The following BANP variants were observed in gnomAD, a reference collection of about 807,000 sequenced individuals.
BANP encodes the protein protein BANP.
In BANP, 11 loss-of-function variants were observed where a neutral mutation model predicts 68.1. That is an observed-to-expected ratio of 0.16 (90% CI 0.10 to 0.27). The LOEUF is 0.27. BANP is among the 10% of genes least tolerant of loss of function. The pLI, the probability that BANP is intolerant of heterozygous loss-of-function variation, is 1.00. For missense variants in BANP, 504 were observed against 722.7 expected (o/e 0.70, Z 3.47); for synonymous variants, 329 against 303.2 (o/e 1.09, Z -0.88).
intron 4 of BANP, among the ~76,000 whole-genome samples, chr16:87,989,974 C>T (rs1465470625): frequency 2.0e-5 from 3 of 151,566 alleles, no homozygotes; most frequent in Admixed American, 6.6e-5. Flanking sequence ...CGCGTGGCTG[C>T]GCGCATCCAG....
At chr16:88,055,608 C>T (rs975432693) in intron 11 of BANP, among the ~76,000 whole-genome samples, 1 of 152,126 alleles carries the variant, frequency 6.6e-6, no homozygotes, top group Non-Finnish European at 1.5e-5. Context: ...CAACATTTTA[C>T]GTGTAGGATT....
chr16:87,986,819 C>T (rs1261632205), intron 4 of BANP, among the ~76,000 whole-genome samples: 1 of 152,290 alleles, frequency 6.6e-6, no homozygotes, highest in East Asian at 1.9e-4. Flanking sequence ...GACTCAGATG[C>T]ACAATCCAGT....
intron 2 of BANP, among the ~76,000 whole-genome samples, chr16:87,977,122 C>T (rs1276024535): frequency 6.6e-6 from 1 of 152,114 alleles, no homozygotes; most frequent in Non-Finnish European, 1.5e-5. Flanking sequence ...TTGTTAAAAG[C>T]CTACTGTGTC....
Position 88,076,584 on chromosome 16 carries a change from T to C in BANP, c.1522-6T>C, listed in dbSNP as rs1210046037. ...CTAGAAAGTCCCTCCTTTCTCCCTT[T>C]TGCAGACGGCCGAAGCCCTGCAGCC... On this transcript the variant is annotated splice_polypyrimidine_tract_variant and splice_region_variant and intron_variant, in intron 13 of 13. Coordinates refer to ENST00000682872, the MANE Select transcript of BANP (RefSeq NM_001386991.1). 5 of 1,612,436 alleles carry C rather than the reference T, an allele frequency of 3.1e-6. No individual in the cohort carries two copies. Among genetic ancestry groups the C allele is most frequent in the Non-Finnish European group, 4.2e-6 (5 of 1,179,596 alleles).
chr16:88,018,743 G>A lies in BANP; in HGVS notation c.895+76G>A, dbSNP rs139849395. On this transcript the variant is annotated intron_variant, in intron 7 of 13. Coordinates refer to ENST00000682872, the MANE Select transcript of BANP (RefSeq NM_001386991.1). This position sits in a 1 kb window ranked among gnomAD's most constrained non-coding sequence, Gnocchi z 7.7. ...GGACCCACATTTCAATGCTGAGGACGCTGGCATCAGTAGCACCGGCACGGG... is the reference window on the plus strand; with the variant it reads ...GGACCCACATTTCAATGCTGAGGACACTGGCATCAGTAGCACCGGCACGGG... The A allele has an allele frequency of 6.0e-5, 88 of 1,478,782 alleles. No individual in the cohort carries two copies. The South Asian group carries it at 9.9e-4, about 17-fold the overall frequency. The allele number at this position is 1,478,782 out of a possible 1,614,324, so 91.6% of individuals were successfully genotyped here. A position where few individuals can be genotyped will look rare whatever the true frequency, so the allele number is the denominator to read the frequency against.
Position 88,018,531 on chromosome 16 carries a change from C to T in BANP, c.759C>T (p.Cys253=). 1 of 1,613,598 alleles carries T rather than the reference C, an allele frequency of 6.2e-7. No individual in the cohort carries two copies. Among genetic ancestry groups the T allele is most frequent in the Non-Finnish European group, 8.5e-7 (1 of 1,180,012 alleles). The change falls in exon 7 of 14, where the codon TGC becomes TGT. Residue 253 remains cysteine (C), a synonymous_variant. Coordinates refer to ENST00000682872, the MANE Select transcript of BANP (RefSeq NM_001386991.1). This position sits in a 1 kb window ranked among gnomAD's most constrained non-coding sequence, Gnocchi z 7.7. ...ACATGCTGCACATCAGCACCAACTG[C>T]CGCACGGCCGAGAAGATGGCGCTCA... ...PSDMLHISTN[C]RTAEKMALTL...
intron 6 of BANP, among the ~76,000 whole-genome samples, chr16:88,011,312 C>T (rs2073054980): frequency 6.6e-6 from 1 of 152,152 alleles, no homozygotes; most frequent in East Asian, 1.9e-4. Context: ...GAAAGACGCC[C>T]TTTCCATCCC....
intron 11 of BANP, among the ~76,000 whole-genome samples, chr16:88,050,597 C>T (rs901183434): frequency 6.6e-6 from 1 of 152,220 alleles, no homozygotes; most frequent in Non-Finnish European, 1.5e-5. Flanking sequence ...GAATTAGGAC[C>T]AGGCACGAGT....
At chr16:88,054,950 G>A (rs1350647517) in intron 11 of BANP, among the ~76,000 whole-genome samples, 2 of 152,148 alleles carry the variant, frequency 1.3e-5, no homozygotes, top group Non-Finnish European at 2.9e-5. Context: ...TATCTATTGA[G>A]ATGTTCAAAT....
intron 4 of BANP, among the ~76,000 whole-genome samples, chr16:87,986,853 C>G (rs935859124): frequency 5.3e-5 from 8 of 151,982 alleles, no homozygotes; most frequent in Non-Finnish European, 1.0e-4. Context: ...TGAGATCTTC[C>G]GGTTTGAAAG....
intron 4 of BANP, among the ~76,000 whole-genome samples, chr16:87,990,502 C>T (rs1302119143): frequency 1.3e-5 from 2 of 152,152 alleles, no homozygotes; most frequent in African/African-American, 4.8e-5. Flanking sequence ...AGGTCTTGGC[C>T]AGGGTAAACC....
chr16:88,065,828 G>A (rs567677346), intron 12 of BANP, among the ~76,000 whole-genome samples: 7 of 152,094 alleles, frequency 4.6e-5, no homozygotes, highest in Non-Finnish European at 7.4e-5. Flanking sequence ...GTATGGAAGG[G>A]CACCCTGATC....
chr16:88,031,933 T>C (rs2078271272), intron 8 of BANP, among the ~76,000 whole-genome samples: 1 of 151,710 alleles, frequency 6.6e-6, no homozygotes, highest in African/African-American at 2.4e-5. Flanking sequence ...GCCTCCCAAG[T>C]AGTTGGGACT....
intron 1 of BANP, among the ~76,000 whole-genome samples, chr16:87,974,398 G>A (rs1462609730): frequency 6.6e-6 from 1 of 152,188 alleles, no homozygotes; most frequent in Non-Finnish European, 1.5e-5. Context: ...GCACAGTTGT[G>A]GACAGGACAG....
chr16:88,031,490 CA>C (rs917979882), intron 8 of BANP, among the ~76,000 whole-genome samples: 7 of 150,326 alleles, frequency 4.7e-5, no homozygotes, highest in African/African-American at 1.7e-4. Context: ...CAAAAAAATA[CA>C]AAAAAAAATT....
At chr16:87,983,864 G>A (rs1333239599) in intron 3 of BANP, among the ~76,000 whole-genome samples, 196 bp from the exon 4 acceptor site, 5 of 152,186 alleles carry the variant, frequency 3.3e-5, no homozygotes, top group Admixed American at 2.0e-4. Context: ...GAAACAGGAC[G>A]TGTGACTCGT....
chr16:87,972,529 T>C (rs1027390656), intron 1 of BANP, among the ~76,000 whole-genome samples: 4 of 152,186 alleles, frequency 2.6e-5, no homozygotes, highest in African/African-American at 9.6e-5. Context: ...AAGAAATACA[T>C]GATTTTTGCA....
At chr16:87,974,972 T>C in intron 1 of BANP, 76 bp from the exon 2 acceptor site, 1 of 692,876 alleles carries the variant, frequency 1.4e-6, no homozygotes. Context: ...ATACACGTGC[T>C]CGGCTCGTGG....
At chr16:88,058,049 T>G (rs1428931897) in intron 11 of BANP, among the ~76,000 whole-genome samples, 1 of 152,102 alleles carries the variant, frequency 6.6e-6, no homozygotes, top group Non-Finnish European at 1.5e-5. Context: ...TTCCTACCTT[T>G]TTTTCACTCT....
Sources: gnomAD v4.1 joint callset for allele counts (sites outside exome capture counted in the v4.1 genomes callset) on GRCh38, gnomAD v4.1.1 for gene constraint, Gnocchi (gnomAD v3.1) non-coding constraint, MANE v1.5 for transcripts, NCBI Gene and HGNC (gene_info 2026-07-23, HGNC 2026-07-21) for gene names.